TCF25: variants seen among roughly 807,000 people sequenced by gnomAD.
TCF25 encodes ribosome quality control complex subunit TCF25.
In TCF25, 41 loss-of-function variants were observed where a neutral mutation model predicts 83.1. The ratio of observed to expected loss-of-function variants is 0.49; its 90% confidence interval spans 0.38 to 0.64. TCF25 has a LOEUF of 0.64. TCF25 is among the 30% of genes least tolerant of loss of function. The pLI is 0.00. For missense variants in TCF25, 979 were observed against 914.5 expected (o/e 1.07, Z -0.91); for synonymous variants, 458 against 365.0 (o/e 1.25, Z -2.90).
chr16:89,909,000 G>A (rs2045318486), intron 16 of TCF25: 1 of 1,289,404 alleles, frequency 7.8e-7, no homozygotes. Flanking sequence ...TGTTATTTGG[G>A]GGTCACAGCT....
chr16:89,904,027 A>G (rs2044567766), intron 12 of TCF25, 91 bp from the exon 13 acceptor site: 3 of 1,293,196 alleles, frequency 2.3e-6, no homozygotes, highest in South Asian at 2.6e-5. Flanking sequence ...GTCTGTGACA[A>G]GGACCTCGCT....
intron 16 of TCF25, chr16:89,908,997 T>TG (rs1415319437): frequency 1.6e-6 from 2 of 1,289,364 alleles, no homozygotes; most frequent in African/African-American, 1.5e-5. Context: ...CAGTGTTATT[T>TG]GGGGGTCACA....
At position 89,884,618 on chromosome 16, in the gene TCF25, A is replaced by G. The variant is rs2144014763; in HGVS notation, c.391A>G (p.Lys131Glu). 6.2e-7 allele frequency: 1 copy of G among 1,613,752 alleles called. No homozygotes were observed. The highest frequency in any genetic ancestry group is 1.1e-5 in the South Asian group (1 of 91,052). Residue 131 changes from lysine to glutamate, a missense_variant, in exon 3 of 18, where the codon AAA becomes GAA. Transcript: ENST00000263346. ...ASGKLRKKKK[K>E]QKNKKSSTGE... The stretch of plus-strand genomic sequence containing the variant: ...TGGCAAACTCCGGAAGAAGAAAAAA[A>G]AACAGAAAAACAAGAAAAGCAGCAC...
chr16:89,908,622 C>T (rs1421566750), intron 16 of TCF25, among the ~76,000 whole-genome samples: 125 of 121,298 alleles, frequency 1.0e-3, no homozygotes, highest in Middle Eastern at 4.6e-3. Context: ...GCTCCCACCT[C>T]CCAGCTCCCA....
At chr16:89,893,159 A>G (rs1329494953) in intron 6 of TCF25, among the ~76,000 whole-genome samples, 3 of 152,140 alleles carry the variant, frequency 2.0e-5, no homozygotes, top group Non-Finnish European at 2.9e-5. Context: ...ACTACAGGGG[A>G]CCTAGTCCAT....
chr16:89,885,122 C>T (rs552618112), intron 3 of TCF25, among the ~76,000 whole-genome samples: 26 of 151,326 alleles, frequency 1.7e-4, no homozygotes, highest in Non-Finnish European at 2.2e-4. Context: ...CTCTGCCTGA[C>T]GCTCTCTCCA....
chr16:89,877,867 C>G (rs1346230812), intron 1 of TCF25, among the ~76,000 whole-genome samples: 1 of 152,138 alleles, frequency 6.6e-6, no homozygotes, highest in Non-Finnish European at 1.5e-5. Flanking sequence ...AATAAATTTT[C>G]CAGATTAGAC....
intron 1 of TCF25, among the ~76,000 whole-genome samples, chr16:89,881,317 G>A (rs1234272308): frequency 1.3e-5 from 2 of 152,130 alleles, no homozygotes; most frequent in Non-Finnish European, 2.9e-5. Flanking sequence ...GTTTTCTGAG[G>A]TTTGTGGTTT....
rs1199639263 is a variant in TCF25 at position 89,905,094 on chromosome 16, C to G, written c.1626C>G (p.Asn542Lys). The G allele has an allele frequency of 6.3e-7, 1 of 1,592,082 alleles. No homozygotes were observed. Among genetic ancestry groups the G allele is most frequent in the African/African-American group, 1.3e-5 (1 of 74,614 alleles). The change falls in exon 14 of 18, where the codon AAC becomes AAG. Residue 542 changes from asparagine (N) to lysine (K), a missense_variant and splice_region_variant. Physicochemically the swap from Asn to Lys is moderately conservative, Grantham distance 94 (BLOSUM62 0). Coordinates refer to ENST00000263346, the MANE Select transcript of TCF25 (RefSeq NM_014972.3). Reference protein sequence around the residue: ...AGDPAVEACENRRKVLYQRAP... With the variant: ...AGDPAVEACEKRRKVLYQRAP... ...ACCCAGCCGTGGAAGCCTGTGAGAA[C>G]CGGTGAGCTAGGGGTTGACACAAGC...
chr16:89,899,968 G>T (rs1458670165), intron 11 of TCF25, among the ~76,000 whole-genome samples: 3 of 152,136 alleles, frequency 2.0e-5, no homozygotes, highest in Non-Finnish European at 4.4e-5. Flanking sequence ...GGCATAGTTG[G>T]CCAGGAAGTC....
At chr16:89,877,525 C>G (rs1410927505) in intron 1 of TCF25, among the ~76,000 whole-genome samples, 1 of 152,030 alleles carries the variant, frequency 6.6e-6, no homozygotes, top group Non-Finnish European at 1.5e-5. Flanking sequence ...ACTTTATCAT[C>G]GTAAATTTTA....
At position 89,898,770 on chromosome 16, in the gene TCF25, C is replaced by G. The variant is rs764293900; in HGVS notation, c.1119C>G (p.Leu373=). 2 of 1,613,832 alleles carry G rather than the reference C, an allele frequency of 1.2e-6. No homozygotes were observed. Among genetic ancestry groups the G allele is most frequent in the Middle Eastern group, 1.6e-4 (1 of 6,062 alleles). The change falls in exon 11 of 18, where the codon CTC becomes CTG. Residue 373 remains leucine, a synonymous_variant. Transcript: ENST00000263346. Reference sequence around the variant, plus strand: ...CTCTCTGTGCTGCCTCCGGAAGTCTCGAGCCGGATGAGGACCCCCTCTGCA... The same window carrying G: ...CTCTCTGTGCTGCCTCCGGAAGTCTGGAGCCGGATGAGGACCCCCTCTGCA... ...ALEYCKLILS[L]EPDEDPLCML... is the part of the protein sequence containing the mutation.
intron 9 of TCF25, among the ~76,000 whole-genome samples, chr16:89,897,037 AAAAAG>A (rs1020705593): frequency 2.0e-5 from 3 of 151,836 alleles, no homozygotes; most frequent in African/African-American, 7.3e-5. Flanking sequence ...TCAAAAAAAA[AAAAAG>A]AAGAAGAAGA....
rs200202698 is a variant in TCF25, at chr16:89,911,241, G to C, written c.*3G>C. On this transcript the variant is annotated 3_prime_UTR_variant, in exon 18 of 18. Transcript: ENST00000263346. ...AGGGGGAGGGGGAGTGGGACTGAGC[G>C]TCCGCAGAGGTGACCGAAAAGCCGT... is the stretch of plus-strand genomic sequence containing the variant. 1 of 1,611,930 alleles carries C rather than the reference G, an allele frequency of 6.2e-7. No individual in the cohort carries two copies.
intron 6 of TCF25, 24 bp downstream of exon 6, chr16:89,892,299 G>T: frequency 6.2e-7 from 1 of 1,600,990 alleles, no homozygotes; most frequent in Non-Finnish European, 8.5e-7. Context: ...GATGCTGCTG[G>T]GGATGGAGGG....
chr16:89,898,928 G>A, intron 11 of TCF25, 56 bp downstream of exon 11: 2 of 1,550,772 alleles, frequency 1.3e-6, no homozygotes, highest in Non-Finnish European at 8.9e-7. Context: ...TTCTCCTTCT[G>A]TTTTCTTGGT....
chr16:89,908,043 T>C (rs1279124175), intron 16 of TCF25, among the ~76,000 whole-genome samples: 73 of 41,648 alleles, frequency 1.8e-3, no homozygotes, highest in African/African-American at 2.1e-3. Context: ...TCCCACCTCC[T>C]ACCTCCCAGC....
intron 2 of TCF25, 50 bp downstream of exon 2, chr16:89,883,562 G>A: frequency 1.9e-6 from 3 of 1,539,414 alleles, no homozygotes; most frequent in Non-Finnish European, 2.6e-6. Flanking sequence ...GAGTTCCAAG[G>A]CACCCAGCCA....
intron 12 of TCF25, among the ~76,000 whole-genome samples, chr16:89,901,232 C>T (rs1024088344): frequency 1.6e-4 from 24 of 152,366 alleles, no homozygotes; most frequent in African/African-American, 5.5e-4. Flanking sequence ...AGCCGTGACC[C>T]CTGACTGCAT....
Sources: allele counts gnomAD v4.1 joint callset (sites outside exome capture counted in the v4.1 genomes callset), GRCh38; gene constraint gnomAD v4.1.1; transcripts MANE v1.5; gene names NCBI Gene and HGNC (gene_info 2026-07-23, HGNC 2026-07-21).